RPAP2: variants seen among roughly 807,000 people sequenced by gnomAD.
RPAP2 encodes putative RNA polymerase II subunit B1 CTD phosphatase RPAP2.
A neutral mutation model predicts 73.1 loss-of-function variants in RPAP2; 52 were observed. That is an observed-to-expected ratio of 0.71 (90% confidence interval 0.57 to 0.90). The LOEUF is 0.90. RPAP2 is among the 40% of genes least tolerant of loss of function. The pLI is 0.00. For missense variants in RPAP2, 598 were observed against 701.8 expected (o/e 0.85, Z 1.67); for synonymous variants, 225 against 242.1 (o/e 0.93, Z 0.65).
intron 11 of RPAP2, among the ~76,000 whole-genome samples, chr1:92,367,607 A>G (rs1654982986): frequency 6.6e-6 from 1 of 152,206 alleles, no homozygotes; most frequent in Non-Finnish European, 1.5e-5. Flanking sequence ...ATGCATGGTA[A>G]TCAGCAGAAC....
chr1:92,310,529 A>G (rs1350258569), intron 6 of RPAP2, among the ~76,000 whole-genome samples: 1 of 152,204 alleles, frequency 6.6e-6, no homozygotes, highest in Admixed American at 6.5e-5. Context: ...TATTTTTATT[A>G]GCTTACAATG....
intron 11 of RPAP2, among the ~76,000 whole-genome samples, chr1:92,356,096 G>C (rs1249134068): frequency 6.6e-6 from 1 of 151,692 alleles, no homozygotes; most frequent in East Asian, 1.9e-4. Context: ...TCCAACTGTG[G>C]GCCTTTTTTT....
intron 6 of RPAP2, among the ~76,000 whole-genome samples, chr1:92,318,487 T>A (rs1179024701): frequency 6.6e-6 from 1 of 152,064 alleles, no homozygotes; most frequent in East Asian, 1.9e-4. Flanking sequence ...TTTTCCCACC[T>A]TTTTTTTCTT....
chr1:92,301,957 C>T (rs1447981514), intron 3 of RPAP2, among the ~76,000 whole-genome samples: 1 of 152,116 alleles, frequency 6.6e-6, no homozygotes. Context: ...TCACATACTA[C>T]CCCACAAATA....
At chr1:92,299,850 G>A (rs1388669153) in intron 1 of RPAP2, among the ~76,000 whole-genome samples, 1 of 152,080 alleles carries the variant, frequency 6.6e-6, no homozygotes, top group Non-Finnish European at 1.5e-5. Flanking sequence ...TGTTTGTGTA[G>A]ACCTGACCTA....
At chr1:92,328,633 A>G (rs1029212398) in intron 8 of RPAP2, among the ~76,000 whole-genome samples, 6 of 152,040 alleles carry the variant, frequency 3.9e-5, no homozygotes, top group Non-Finnish European at 7.4e-5. Context: ...GACCTTCTGA[A>G]TCCTTTTTCT....
chr1:92,329,353 C>T (rs1015688256), intron 8 of RPAP2, among the ~76,000 whole-genome samples: 7 of 152,174 alleles, frequency 4.6e-5, no homozygotes, highest in East Asian at 1.9e-4. Context: ...CTGCATCACA[C>T]AGGTCACTAG....
chr1:92,335,070 G>A (rs991625989), intron 9 of RPAP2, among the ~76,000 whole-genome samples: 1 of 152,150 alleles, frequency 6.6e-6, no homozygotes, highest in Non-Finnish European at 1.5e-5. Context: ...GCTTGAGCAC[G>A]AGAGTTTGAG....
chr1:92,320,423 C>T (rs370150104), intron 6 of RPAP2, among the ~76,000 whole-genome samples, 176 bp from the exon 7 acceptor site: 74 of 152,228 alleles, frequency 4.9e-4, no homozygotes, highest in African/African-American at 1.6e-3. Context: ...CAGGCGCGCA[C>T]CGCCATGTCC....
At chr1:92,338,017 T>A (rs1197033607) in intron 10 of RPAP2, among the ~76,000 whole-genome samples, 1 of 152,202 alleles carries the variant, frequency 6.6e-6, no homozygotes, top group Non-Finnish European at 1.5e-5. Flanking sequence ...ACTATCATTC[T>A]GTTTTCCTAA....
At chr1:92,349,477 A>C (rs1222475176) in intron 11 of RPAP2, among the ~76,000 whole-genome samples, 1 of 152,210 alleles carries the variant, frequency 6.6e-6, no homozygotes, top group Non-Finnish European at 1.5e-5. Flanking sequence ...GGGGGAAAAA[A>C]ATCAACATTT....
chr1:92,373,834 G>A (rs749557958), intron 11 of RPAP2, among the ~76,000 whole-genome samples: 2 of 148,242 alleles, frequency 1.3e-5, no homozygotes, highest in Non-Finnish European at 3.0e-5. Flanking sequence ...CTGAAGAACT[G>A]CTTGAACCCA....
chr1:92,317,422 C>G (rs945558977), intron 6 of RPAP2, among the ~76,000 whole-genome samples: 1 of 151,830 alleles, frequency 6.6e-6, no homozygotes, highest in Non-Finnish European at 1.5e-5. Context: ...GCAGGACAAT[C>G]GCTTCAACCT....
chr1:92,370,576 A>G (rs1041900220), intron 11 of RPAP2, among the ~76,000 whole-genome samples: 51 of 152,204 alleles, frequency 3.4e-4, no homozygotes, highest in African/African-American at 1.2e-3. Flanking sequence ...CTGTTGCAGC[A>G]TGCTACACAT....
chr1:92,316,105 TAAATC>T (rs1651890284), intron 6 of RPAP2, among the ~76,000 whole-genome samples: 1 of 152,216 alleles, frequency 6.6e-6, no homozygotes. Flanking sequence ...TCTAAAATCT[TAAATC>T]TAAGAAGGAC....
At chr1:92,366,279 G>C (rs191537350) in intron 11 of RPAP2, among the ~76,000 whole-genome samples, 23 of 152,168 alleles carry the variant, frequency 1.5e-4, no homozygotes, top group African/African-American at 5.1e-4. Flanking sequence ...CCTCAGCCTG[G>C]GTGACAGAGC....
In RPAP2 at chr1:92,307,199, C is replaced by T; in HGVS notation, c.411C>T (p.Ser137=). 1 of 1,610,100 alleles carries T rather than the reference C, an allele frequency of 6.2e-7. No homozygotes were observed. Among genetic ancestry groups the T allele is most frequent in the South Asian group, 1.1e-5 (1 of 90,110 alleles). Residue 137 remains serine, a synonymous_variant, in exon 6 of 13, where the codon AGC becomes AGT. Transcript: ENST00000610020. The part of the protein sequence containing the change: ...YDITERKSFC[S]NFCYQASKFF... ...AATGTTCTTTTCAGTCTTTTTGCAG[C>T]AATTTTTGTTATCAAGCATCTAAGT...
chr1:92,347,877 G>A (rs1398089498), intron 11 of RPAP2, among the ~76,000 whole-genome samples: 1 of 152,006 alleles, frequency 6.6e-6, no homozygotes, highest in Non-Finnish European at 1.5e-5. Context: ...ACATTTTACT[G>A]TAGTGTATCG....
intron 5 of RPAP2, among the ~76,000 whole-genome samples, chr1:92,306,254 T>C (rs1242131657): frequency 6.6e-6 from 1 of 152,168 alleles, no homozygotes; most frequent in African/African-American, 2.4e-5. Flanking sequence ...TTCAGTTCTG[T>C]AAGATAAAAA....
Sources: gnomAD v4.1 joint callset for allele counts (sites outside exome capture counted in the v4.1 genomes callset) on GRCh38, gnomAD v4.1.1 for gene constraint, MANE v1.5 for transcripts, NCBI Gene and HGNC (gene_info 2026-07-23, HGNC 2026-07-21) for gene names.